The following MAP4 variants were observed in gnomAD, a reference collection of about 807,000 sequenced individuals.
The protein encoded by MAP4 is microtubule-associated protein 4.
A neutral mutation model predicts 170.2 loss-of-function variants in MAP4; 76 were observed. The ratio of observed to expected loss-of-function variants is 0.45; its 90% confidence interval spans 0.37 to 0.54. MAP4 has a LOEUF of 0.54. Ranked by LOEUF, MAP4 falls within the 20% of genes least tolerant of loss-of-function variation. The pLI is 0.00. For missense variants in MAP4, 2,506 were observed against 2,748.0 expected (o/e 0.91, Z 1.97); for synonymous variants, 909 against 994.5 (o/e 0.91, Z 1.62).
rs201401281 is a variant in MAP4 at position 47,916,934 on chromosome 3, G to A, written c.893C>T (p.Ser298Leu). 1 of 1,614,214 alleles carries A rather than the reference G, an allele frequency of 6.2e-7. No individual in the cohort carries two copies. The highest frequency in any genetic ancestry group is 1.1e-5 in the South Asian group (1 of 91,082). ...LAKDMQPSMESDMALVKDMEL... is the reference protein window; with the variant it reads ...LAKDMQPSMELDMALVKDMEL... The stretch of plus-strand genomic sequence containing the variant: ...CATGTCCTTGACTAGGGCCATATCT[G>A]ATTCCATGGATGGCTGCATGTCCTT... The change falls in exon 7 of 21, where the codon TCA becomes TTA. Residue 298 changes from serine (S) to leucine (L), a missense_variant. Physicochemically the swap from Ser to Leu is moderately radical, Grantham distance 145. Around this residue, in one of 3 missense-constraint regions of MAP4, gnomAD observed 2,008 missense variants for 2,206.0 expected, o/e 0.91. Coordinates refer to ENST00000683076, the MANE Select transcript of MAP4 (RefSeq NM_001385682.1).
In MAP4 at chr3:47,910,036, G is replaced by A; in HGVS notation, c.4385C>T (p.Ala1462Val). The change falls in exon 9 of 21, where the codon GCA becomes GTA. Residue 1462 changes from alanine (A) to valine (V), a missense_variant. By Grantham distance (64) the Ala-to-Val change is moderately conservative (BLOSUM62 0). Coordinates refer to ENST00000683076, the MANE Select transcript of MAP4 (RefSeq NM_001385682.1). ...KEGDSFPDTL[A>V]KNGQEIAPAQ... The stretch of plus-strand genomic sequence containing the variant: ...TGGGGCTATCTCTTGCCCATTTTTT[G>A]CCAAGGTATCTGGAAAGGAATCACC... 2 of 1,613,922 alleles carry A rather than the reference G, an allele frequency of 1.2e-6. No individual in the cohort carries two copies. Among genetic ancestry groups the A allele is most frequent in the Non-Finnish European group, 1.7e-6 (2 of 1,179,868 alleles).
At chr3:47,887,647 C>T (rs977042002) in intron 10 of MAP4, among the ~76,000 whole-genome samples, 1 of 152,248 alleles carries the variant, frequency 6.6e-6, no homozygotes, top group Admixed American at 6.5e-5. Flanking sequence ...GTGCGAGATC[C>T]ACTAGGTGAA....
At chr3:47,919,381 C>T (rs1341937980) in intron 5 of MAP4, among the ~76,000 whole-genome samples, 4 of 152,126 alleles carry the variant, frequency 2.6e-5, no homozygotes, top group East Asian at 1.9e-4. Context: ...GATCTCGGCT[C>T]GCTGCAATCT....
chr3:48,043,204 G>A (rs1350836843), intron 1 of MAP4, among the ~76,000 whole-genome samples: 3 of 152,164 alleles, frequency 2.0e-5, no homozygotes, highest in East Asian at 1.9e-4. Context: ...GAGTTCAAGC[G>A]ATTCTTGTGC....
At chr3:47,865,888 C>T (rs1357206449) in intron 17 of MAP4, among the ~76,000 whole-genome samples, 5 of 152,296 alleles carry the variant, frequency 3.3e-5, no homozygotes, top group South Asian at 4.1e-4. Flanking sequence ...TTCACACACT[C>T]GACGATAGTA....
chr3:48,073,847 C>T (rs1412407822), intron 1 of MAP4, among the ~76,000 whole-genome samples: 1 of 152,166 alleles, frequency 6.6e-6, no homozygotes, highest in Non-Finnish European at 1.5e-5. Flanking sequence ...AACTCTTTTA[C>T]ACTGTTGGTG....
chr3:47,932,693 T>C (rs1228616048), intron 3 of MAP4, among the ~76,000 whole-genome samples: 2 of 152,244 alleles, frequency 1.3e-5, no homozygotes, highest in African/African-American at 2.4e-5. Flanking sequence ...CATTTTTTCA[T>C]GTGTTCATCT....
intron 3 of MAP4, among the ~76,000 whole-genome samples, chr3:47,957,237 G>C (rs1451409131): frequency 6.6e-6 from 1 of 152,156 alleles, no homozygotes; most frequent in African/African-American, 2.4e-5. Context: ...GCACGATCTT[G>C]TCTCACTGAA....
At chr3:48,008,048 C>T (rs1478029914) in intron 1 of MAP4, among the ~76,000 whole-genome samples, 1 of 152,202 alleles carries the variant, frequency 6.6e-6, no homozygotes, top group East Asian at 1.9e-4. Flanking sequence ...GCGACCTGAA[C>T]TGCCCTGCCT....
intron 10 of MAP4, chr3:47,891,171 T>C: frequency 6.5e-7 from 1 of 1,536,228 alleles, no homozygotes. Context: ...CTAGTTTCAC[T>C]AAAATCTTCC....
chr3:47,982,795 C>G (rs969269289), intron 2 of MAP4, among the ~76,000 whole-genome samples: 4 of 152,042 alleles, frequency 2.6e-5, no homozygotes, highest in African/African-American at 9.7e-5. Flanking sequence ...GAAAGTAAAG[C>G]CACTAAATTT....
intron 17 of MAP4, among the ~76,000 whole-genome samples, chr3:47,861,127 G>A (rs1354558213): frequency 6.6e-6 from 1 of 152,176 alleles, no homozygotes; most frequent in Non-Finnish European, 1.5e-5. Context: ...TTGGGAGGCT[G>A]AGGTGGGTGG....
intron 1 of MAP4, among the ~76,000 whole-genome samples, chr3:48,029,379 T>C (rs2100114779): frequency 6.6e-6 from 1 of 152,104 alleles, no homozygotes. Context: ...GAGGCTGCAG[T>C]GAGCCGAGAT....
At chr3:48,065,078 TATG>T (rs1251071186) in intron 1 of MAP4, among the ~76,000 whole-genome samples, 1 of 152,122 alleles carries the variant, frequency 6.6e-6, no homozygotes, top group Non-Finnish European at 1.5e-5. Flanking sequence ...TGCAGTGAGT[TATG>T]ATCGTGCCAC....
intron 13 of MAP4, among the ~76,000 whole-genome samples, chr3:47,871,591 C>T (rs1341458839): frequency 6.6e-6 from 1 of 152,168 alleles, no homozygotes; most frequent in African/African-American, 2.4e-5. Flanking sequence ...TTCTTATCAT[C>T]ATGTAAGCCC....
In MAP4 at chr3:47,855,345, T is replaced by C. The variant is rs765114685; in HGVS notation, c.6599A>G (p.Lys2200Arg). Residue 2200 changes from lysine to arginine, a missense_variant, in exon 19 of 21, where the codon AAG becomes AGG. Around this residue, in one of 3 missense-constraint regions of MAP4, gnomAD observed 487 missense variants for 511.6 expected, o/e 0.95. Coordinates refer to ENST00000683076, the MANE Select transcript of MAP4 (RefSeq NM_001385682.1). The surrounding 1 kb of genome is among the most constrained non-coding windows in gnomAD (Gnocchi z 5.1). ...GAAGTTCAACTTCTGACTTTCAATC[T>C]TGACATCTCCTCCACCTGGAACCAC... ...IKHKPGGGDVKIESQKLNFKE... is the reference protein window; with the variant it reads ...IKHKPGGGDVRIESQKLNFKE... 4 of 1,612,158 alleles carry C rather than the reference T, an allele frequency of 2.5e-6. No homozygotes were observed. The highest frequency in any genetic ancestry group is 3.4e-6 in the Non-Finnish European group (4 of 1,178,212).
At chr3:47,973,546 G>A (rs1029367502) in intron 3 of MAP4, 1 of 984,640 alleles carries the variant, frequency 1.0e-6, no homozygotes, top group Non-Finnish European at 1.2e-6. Flanking sequence ...CAACAATTCT[G>A]TAAGTTCAAA....
intron 10 of MAP4, among the ~76,000 whole-genome samples, chr3:47,890,195 G>GACC (rs2098318750): frequency 1.3e-5 from 2 of 151,940 alleles, no homozygotes; most frequent in Non-Finnish European, 2.9e-5. Context: ...AGCTTTTTTA[G>GACC]ACCACCACAA....
chr3:47,968,278 A>G (rs2100076331), intron 3 of MAP4, among the ~76,000 whole-genome samples: 2 of 152,220 alleles, frequency 1.3e-5, no homozygotes, highest in African/African-American at 4.8e-5. Context: ...TCTAATGGAC[A>G]TCTTACAGAA....
Sources: gnomAD v4.1 joint callset for allele counts (sites outside exome capture counted in the v4.1 genomes callset) on GRCh38, gnomAD v4.1.1 for gene constraint, gnomAD v4.1.1 regional missense constraint, Gnocchi (gnomAD v3.1) non-coding constraint, MANE v1.5 for transcripts, NCBI Gene and HGNC (gene_info 2026-07-23, HGNC 2026-07-21) for gene names.